TRIP12: variants seen among roughly 807,000 people sequenced by gnomAD.
TRIP12 encodes the protein thyroid hormone receptor interactor 12, also known as E3 ubiquitin-protein ligase TRIP12.
Under a neutral mutation model 244.2 loss-of-function variants are expected in TRIP12, and 25 were observed. The ratio of observed to expected loss-of-function variants is 0.10; its 90% CI spans 0.07 to 0.14. The LOEUF (loss-of-function observed/expected upper bound fraction) is 0.14. Among genes scored for constraint, TRIP12 ranks in the 10% least tolerant of loss-of-function variants. The probability of loss-of-function intolerance (pLI) is 1.00; values close to 1 mark genes in which losing one functional copy is unlikely to be tolerated. For synonymous variants in TRIP12, 905 were observed against 873.1 expected (o/e 1.04, Z -0.64); for missense variants, 1,677 against 2,486.4 (o/e 0.67, Z 6.92).
intron 1 of TRIP12, among the ~76,000 whole-genome samples, chr2:229,889,849 C>A (rs774198084): frequency 6.6e-6 from 1 of 152,052 alleles, no homozygotes; most frequent in Non-Finnish European, 1.5e-5. Flanking sequence ...CTCCCTTAAG[C>A]GACAGACAGA....
At position 229,805,924 on chromosome 2, in the gene TRIP12, G is replaced by A. The variant is rs923691941; in HGVS notation, c.2497-41C>T. ...GAGAAACTTTGAATATAAACATTGAGAAATCTATTACCTTAAGACACAGTG... is the reference window on the plus strand; with the variant it reads ...GAGAAACTTTGAATATAAACATTGAAAAATCTATTACCTTAAGACACAGTG... On this transcript the variant is annotated intron_variant, in intron 17 of 41. Transcript: ENST00000675903. 6.8e-6 allele frequency: 10 copies of A among 1,463,440 alleles called. 1 individual carries two copies. In the Admixed American group the frequency reaches 2.1e-4, roughly 31 times the overall value. The allele number at this position is 1,463,440 out of a possible 1,614,324, so 90.7% of individuals were successfully genotyped here. A position where few individuals can be genotyped will look rare whatever the true frequency, so the allele number is the denominator to read the frequency against.
chr2:229,794,409 A>T (rs2042283758), intron 26 of TRIP12, among the ~76,000 whole-genome samples: 1 of 152,118 alleles, frequency 6.6e-6, no homozygotes, highest in African/African-American at 2.4e-5. Flanking sequence ...TCTACAAAAA[A>T]TAAAAAAATT....
chr2:229,877,663 C>A (rs1258195316), intron 2 of TRIP12, among the ~76,000 whole-genome samples: 2 of 152,172 alleles, frequency 1.3e-5, no homozygotes, highest in Admixed American at 6.5e-5. Flanking sequence ...AGTTCACATG[C>A]AAGAGTCCCA....
At chr2:229,790,650 AG>A (rs2041274270) in intron 30 of TRIP12, among the ~76,000 whole-genome samples, 2 of 152,316 alleles carry the variant, frequency 1.3e-5, no homozygotes, top group South Asian at 4.1e-4. Context: ...ATAGACAGGA[AG>A]GAAGTATTAC....
At chr2:229,820,084 G>A (rs1488171637) in intron 8 of TRIP12, among the ~76,000 whole-genome samples, 2 of 152,176 alleles carry the variant, frequency 1.3e-5, no homozygotes, top group Non-Finnish European at 2.9e-5. Context: ...TTGACATAAT[G>A]TGGAAGGAAA....
intron 4 of TRIP12, among the ~76,000 whole-genome samples, chr2:229,853,761 T>A (rs987549576): frequency 2.0e-5 from 3 of 152,212 alleles, no homozygotes; most frequent in Non-Finnish European, 1.5e-5. Flanking sequence ...TGCTGCATTC[T>A]ATGGCACTTC....
At chr2:229,827,670 A>G (rs965765217) in intron 8 of TRIP12, among the ~76,000 whole-genome samples, 10 of 152,168 alleles carry the variant, frequency 6.6e-5, no homozygotes, top group Admixed American at 1.3e-4. Context: ...CTTCTTCTGG[A>G]ATACCTACTA....
chr2:229,817,478 C>T (rs2048788788), intron 9 of TRIP12, among the ~76,000 whole-genome samples: 1 of 152,088 alleles, frequency 6.6e-6, no homozygotes, highest in East Asian at 1.9e-4. Flanking sequence ...CTATTGTTTT[C>T]ATATTTAAAA....
rs1390464920 is a variant in TRIP12 at position 229,778,265 on chromosome 2, C to T, written c.5364+168G>A. 2.0e-5 allele frequency among the ~76,000 whole-genome samples: 3 copies of T among 152,136 alleles called. No homozygotes were observed. The highest frequency in any genetic ancestry group is 4.4e-5 in the Non-Finnish European group (3 of 68,034). ...ACAGTAGGACAGTCTTACCCCTGCC[C>T]TACTGAATCAGAACCGGCATTTTTA... On this transcript the variant is annotated intron_variant, in intron 36 of 41. Transcript: ENST00000675903. This position sits in a 1 kb window ranked among gnomAD's most constrained non-coding sequence, Gnocchi z 4.1.
Position 229,802,305 on chromosome 2 carries a change from T to A in TRIP12, c.3153A>T (p.Gly1051=), listed in dbSNP as rs773294555. The change falls in exon 21 of 42, where the codon GGA becomes GGT. Residue 1051 remains glycine, a synonymous_variant. Transcript: ENST00000675903. ...CCCTGCTGTGCTGCAAGCTGGGTGA[T>A]CCCAAGTCAGCTGCAGCATGAGTGG... The part of the protein sequence containing the change: ...TAATHAAADL[G]SPSLQHSRDD... 2 of 1,613,314 alleles carry A rather than the reference T, an allele frequency of 1.2e-6. No homozygotes were observed. Among genetic ancestry groups the A allele is most frequent in the Non-Finnish European group, 8.5e-7 (1 of 1,179,606 alleles).
intron 1 of TRIP12, among the ~76,000 whole-genome samples, chr2:229,884,514 G>A (rs549906718): frequency 2.0e-5 from 3 of 152,154 alleles, no homozygotes; most frequent in East Asian, 1.9e-4. Context: ...TGCAATTACA[G>A]GCGTGGACCA....
rs922383982 is a variant in TRIP12 at position 229,872,625 on chromosome 2, G to A, written c.98+7357C>T. ...TAATGAAGACAGCAAGTCACATTACGGTATGTAAAATAATTCTATCCTTAA... is the reference window on the plus strand; with the variant it reads ...TAATGAAGACAGCAAGTCACATTACAGTATGTAAAATAATTCTATCCTTAA... On this transcript the variant is annotated intron_variant, in intron 2 of 41. Transcript: ENST00000675903. 5.9e-5 allele frequency among the ~76,000 whole-genome samples: 9 copies of A among 152,138 alleles called. No homozygotes were observed. In the East Asian group the frequency reaches 1.4e-3, roughly 23 times the overall value.
At chr2:229,785,923 AT>A (rs2039868170) in intron 33 of TRIP12, 68 bp from the exon 34 acceptor site, 26 of 1,375,650 alleles carry the variant, frequency 1.9e-5, no homozygotes, top group Non-Finnish European at 2.6e-5. Context: ...AACAGGTGGC[AT>A]TTCTTGAAAT....
chr2:229,803,725 C>T, intron 19 of TRIP12, 36 bp from the exon 20 acceptor site: 1 of 1,472,044 alleles, frequency 6.8e-7, no homozygotes. Flanking sequence ...AAAACTCTGC[C>T]TGAATTTGAT....
At chr2:229,873,924 A>C (rs2063139055) in intron 2 of TRIP12, among the ~76,000 whole-genome samples, 1 of 152,148 alleles carries the variant, frequency 6.6e-6, no homozygotes, top group African/African-American at 2.4e-5. Flanking sequence ...GTCAGATGTA[A>C]AAACGGGTCC....
At chr2:229,770,346 G>A (rs1305988363) in intron 39 of TRIP12, among the ~76,000 whole-genome samples, 1 of 152,098 alleles carries the variant, frequency 6.6e-6, no homozygotes, top group Non-Finnish European at 1.5e-5. Flanking sequence ...CAGTAACTTG[G>A]ATAAGGTTAT....
chr2:229,809,359 C>T (rs2046685728), intron 15 of TRIP12, among the ~76,000 whole-genome samples: 1 of 151,660 alleles, frequency 6.6e-6, no homozygotes, highest in South Asian at 2.1e-4. Flanking sequence ...TAGAAGAGGC[C>T]TACATTTCCT....
intron 2 of TRIP12, among the ~76,000 whole-genome samples, chr2:229,861,495 GAA>G (rs2060481932): frequency 6.6e-6 from 1 of 151,976 alleles, no homozygotes; most frequent in African/African-American, 2.4e-5. Flanking sequence ...TGAAAATCTA[GAA>G]AAAAGTTTCA....
At chr2:229,879,451 C>T (rs2064363102) in intron 2 of TRIP12, among the ~76,000 whole-genome samples, 1 of 152,152 alleles carries the variant, frequency 6.6e-6, no homozygotes. Flanking sequence ...TATGTAACTA[C>T]TCCAACTAAA....
Sources: allele counts gnomAD v4.1 joint callset (sites outside exome capture counted in the v4.1 genomes callset), GRCh38; gene constraint gnomAD v4.1.1; non-coding constraint Gnocchi (gnomAD v3.1); transcripts MANE v1.5; gene names NCBI Gene and HGNC (gene_info 2026-07-23, HGNC 2026-07-21).